PASD1: variants seen among roughly 807,000 people sequenced by gnomAD.
PASD1 encodes the protein circadian clock protein PASD1.
Under a neutral mutation model 58.8 loss-of-function variants are expected in PASD1, and 13 were observed. The ratio of observed to expected loss-of-function variants is 0.22; its 90% CI spans 0.14 to 0.35. The LOEUF is 0.35. PASD1 is among the 10% of genes least tolerant of loss of function. The pLI is 1.00. For missense variants in PASD1, 734 were observed against 568.3 expected (o/e 1.29, Z -2.96); for synonymous variants, 236 against 216.7 (o/e 1.09, Z -0.78).
At chrX:151,642,471 A>G (rs1355104575) in intron 8 of PASD1, among the ~76,000 whole-genome samples, 1 of 112,228 alleles carries the variant, frequency 8.9e-6, no homozygotes, top group Non-Finnish European at 1.9e-5. Context: ...ATTTTAAGGA[A>G]TGTTTAATTT....
intron 5 of PASD1, 81 bp downstream of exon 5, chrX:151,621,110 G>A: frequency 3.4e-6 from 2 of 590,109 alleles, no homozygotes; most frequent in Non-Finnish European, 5.3e-6. Flanking sequence ...TTTCTAAAAA[G>A]ATATTAGAGC....
At chrX:151,632,594 T>G (rs2013882247) in intron 8 of PASD1, among the ~76,000 whole-genome samples, 1 of 111,644 alleles carries the variant, frequency 9.0e-6, no homozygotes, top group Non-Finnish European at 1.9e-5. Flanking sequence ...GTGTGGAGAC[T>G]CAGTCAACAC....
chrX:151,634,760 G>C (rs1444006614), intron 8 of PASD1, among the ~76,000 whole-genome samples: 2 of 111,780 alleles, frequency 1.8e-5, no homozygotes, highest in Admixed American at 1.9e-4. Flanking sequence ...GATAGATGGT[G>C]TTGATATTTC....
At chrX:151,652,202 G>A (rs746260061) in intron 9 of PASD1, among the ~76,000 whole-genome samples, 8 of 111,494 alleles carry the variant, frequency 7.2e-5, no homozygotes, top group Admixed American at 9.5e-5. Flanking sequence ...ACAATAACGA[G>A]ATGAAAATAT....
chrX:151,566,048 G>A (rs1356060592), intron 1 of PASD1, among the ~76,000 whole-genome samples: 1 of 111,947 alleles, frequency 8.9e-6, no homozygotes, highest in Non-Finnish European at 1.9e-5. Flanking sequence ...ACGAAAATTT[G>A]TGATAAAAGT....
chrX:151,666,132 A>G (rs73239685), intron 11 of PASD1, among the ~76,000 whole-genome samples: 2,740 of 109,538 alleles, frequency 0.025, 34 homozygotes, highest in Middle Eastern at 0.083. Flanking sequence ...GTATAAGTCT[A>G]TTTTTGGTTT....
At chrX:151,581,244 A>AAAAAAAAAAAAAAAAAAAAAAAG (rs2013088521) in intron 1 of PASD1, among the ~76,000 whole-genome samples, 1 of 103,421 alleles carries the variant, frequency 9.7e-6, no homozygotes, top group Non-Finnish European at 2.0e-5. Flanking sequence ...AAAAAAAAAA[A>AAAAAAAAAAAAAAAAAAAAAAAG]AAAAAAAAAG....
chrX:151,640,296 T>C (rs2013981826), intron 8 of PASD1, among the ~76,000 whole-genome samples: 1 of 112,467 alleles, frequency 8.9e-6, no homozygotes, highest in Admixed American at 9.4e-5. Flanking sequence ...TCTTGTTTCA[T>C]TGAAGTGAAA....
intron 2 of PASD1, among the ~76,000 whole-genome samples, chrX:151,604,238 A>C (rs2013456729): frequency 8.9e-6 from 1 of 112,044 alleles, no homozygotes; most frequent in African/African-American, 3.2e-5. Context: ...ATGAAGCTAA[A>C]GAGTGGAATT....
intron 1 of PASD1, among the ~76,000 whole-genome samples, chrX:151,597,311 T>G (rs1404246060): frequency 8.9e-6 from 1 of 112,289 alleles, no homozygotes; most frequent in Non-Finnish European, 1.9e-5. Flanking sequence ...TTTAGGTTAT[T>G]TTCTGTGGAT....
At chrX:151,614,173 C>T (rs371147742) in intron 4 of PASD1, among the ~76,000 whole-genome samples, 2 of 110,421 alleles carry the variant, frequency 1.8e-5, no homozygotes, top group Non-Finnish European at 3.8e-5. Flanking sequence ...TTAATAGAGA[C>T]GGGGTTTCAC....
chrX:151,663,985 A>G (rs2014342506), intron 10 of PASD1, 134 bp from the exon 11 acceptor site: 1 of 990,384 alleles, frequency 1.0e-6, no homozygotes, highest in Non-Finnish European at 1.3e-6. Flanking sequence ...TTTTAAAATA[A>G]TATTCTGAAT....
At chrX:151,636,719 A>T (rs1304496139) in intron 8 of PASD1, among the ~76,000 whole-genome samples, 4 of 112,124 alleles carry the variant, frequency 3.6e-5, no homozygotes, top group Non-Finnish European at 3.8e-5. Context: ...TTTCATTTTT[A>T]AAATTATTTC....
chrX:151,641,669 C>G (rs1602949956), intron 8 of PASD1, among the ~76,000 whole-genome samples: 1 of 111,368 alleles, frequency 9.0e-6, no homozygotes, highest in African/African-American at 3.3e-5. Flanking sequence ...CCTCTTCATG[C>G]TATGGCCAGG....
intron 8 of PASD1, among the ~76,000 whole-genome samples, chrX:151,630,792 G>A (rs1312894878): frequency 8.9e-6 from 1 of 112,838 alleles, no homozygotes; most frequent in East Asian, 2.8e-4. Flanking sequence ...GAAGTATTTA[G>A]AAGAAAGGGT....
intron 9 of PASD1, 69 bp from the exon 10 acceptor site, chrX:151,659,644 T>C (rs2014286195): frequency 2.0e-6 from 2 of 1,012,635 alleles, no homozygotes; most frequent in Admixed American, 6.0e-5. Flanking sequence ...GTTTGTATTC[T>C]GCCTGTGTTT....
intron 1 of PASD1, among the ~76,000 whole-genome samples, chrX:151,598,118 ACTT>A (rs1165969547): frequency 8.9e-6 from 1 of 112,175 alleles, no homozygotes; most frequent in Non-Finnish European, 1.9e-5. Flanking sequence ...CTTTGGTACT[ACTT>A]TAGCTGCATT....
rs1238954499 is a variant in PASD1 at position 151,586,606 on chromosome X, G to C, written c.-27-14921G>C. 2.7e-5 allele frequency among the ~76,000 whole-genome samples: 3 copies of C among 111,386 alleles called. No homozygotes were observed. In the Admixed American group the frequency reaches 2.9e-4, roughly 11 times the overall value. Reference sequence around the variant, plus strand: ...TATGTAGTAATCTCAGTAAATGTTGGTTATTTTGGCTCTACCTCTGCTGCC... The same window carrying C: ...TATGTAGTAATCTCAGTAAATGTTGCTTATTTTGGCTCTACCTCTGCTGCC... On this transcript the variant is annotated intron_variant, in intron 1 of 15. Transcript: ENST00000370357.
Position 151,676,145 on chromosome X carries a change from A to G in PASD1, c.*2A>G, listed in dbSNP as rs2014541892. On this transcript the variant is annotated 3_prime_UTR_variant, in exon 16 of 16. Coordinates refer to ENST00000370357, the MANE Select transcript of PASD1 (RefSeq NM_173493.3). ...CGTGACTCAAATAAGCCGTGCTAAC[A>G]GTACTTTCATGACCAGTGATGAGGG... The G allele has an allele frequency of 2.5e-6, 3 of 1,204,900 alleles. No homozygotes were observed. The highest frequency in any genetic ancestry group is 3.4e-6 in the Non-Finnish European group (3 of 892,393).
Sources: allele counts gnomAD v4.1 joint callset (sites outside exome capture counted in the v4.1 genomes callset), GRCh38; gene constraint gnomAD v4.1.1; transcripts MANE v1.5; gene names NCBI Gene and HGNC (gene_info 2026-07-23, HGNC 2026-07-21).